LRP1B: variants seen among roughly 807,000 people sequenced by gnomAD.
LRP1B encodes LDL receptor related protein 1B, also known as low-density lipoprotein receptor-related protein 1B.
In LRP1B, 217 loss-of-function variants were observed where a neutral mutation model predicts 556.6. The observed-to-expected ratio is 0.39, with a 90% CI of 0.35 to 0.44. The LOEUF (loss-of-function observed/expected upper bound fraction) is 0.44. Among genes scored for constraint, LRP1B ranks in the 20% least tolerant of loss-of-function variants. The probability of loss-of-function intolerance (pLI) is 1.00; values close to 1 mark genes in which losing one functional copy is unlikely to be tolerated. For synonymous variants in LRP1B, 2,047 were observed against 1,865.8 expected (o/e 1.10, Z -2.50); for missense variants, 5,053 against 5,620.8 (o/e 0.90, Z 3.23).
intron 2 of LRP1B, among the ~76,000 whole-genome samples, chr2:141,744,493 T>C (rs1007303793): frequency 2.0e-5 from 3 of 152,220 alleles, no homozygotes; most frequent in Non-Finnish European, 2.9e-5. Context: ...AAATATCTAT[T>C]AGGTCCATTT....
At chr2:141,244,350 G>A (rs118130708) in intron 5 of LRP1B, among the ~76,000 whole-genome samples, 1 of 152,060 alleles carries the variant, frequency 6.6e-6, no homozygotes, top group Non-Finnish European at 1.5e-5. Flanking sequence ...TAGGCCATTC[G>A]GGCCTTCCCT....
intron 77 of LRP1B, among the ~76,000 whole-genome samples, chr2:140,344,698 T>C (rs760915710): frequency 7.3e-5 from 11 of 151,496 alleles, no homozygotes; most frequent in Non-Finnish European, 1.5e-4. Context: ...TTGTTTTAGA[T>C]ACAAAAGAAA....
At chr2:141,175,473 T>C (rs1268599684) in intron 7 of LRP1B, among the ~76,000 whole-genome samples, 1 of 152,148 alleles carries the variant, frequency 6.6e-6, no homozygotes, top group Non-Finnish European at 1.5e-5. Flanking sequence ...GTTCACATCA[T>C]TGCATCAGAG....
chr2:140,681,359 AG>A lies in LRP1B; in HGVS notation c.6799+18890del, dbSNP rs1685853534. On this transcript the variant is annotated intron_variant, in intron 41 of 90. Transcript: ENST00000389484. ...ATTCATTCACAGCTAAAGTCAAAAGAGTAATAATTTATATTAAGAAATAATA... is the reference window on the plus strand; with the variant it reads ...ATTCATTCACAGCTAAAGTCAAAAGATAATAATTTATATTAAGAAATAATA... 2.0e-5 allele frequency among the ~76,000 whole-genome samples: 3 copies of A among 152,198 alleles called. No individual in the cohort carries two copies. In the South Asian group the frequency reaches 6.2e-4, roughly 31 times the overall value.
intron 33 of LRP1B, among the ~76,000 whole-genome samples, chr2:140,772,694 G>A (rs1292426202): frequency 6.6e-6 from 1 of 152,142 alleles, no homozygotes; most frequent in East Asian, 1.9e-4. Flanking sequence ...CAATCTTTTA[G>A]AGAGTTGTAT....
intron 1 of LRP1B, among the ~76,000 whole-genome samples, chr2:141,895,135 G>T (rs1699413763): frequency 6.7e-6 from 1 of 150,140 alleles, no homozygotes; most frequent in African/African-American, 2.4e-5. Flanking sequence ...AACACATACA[G>T]ACAAGGCTCA....
At chr2:142,000,839 A>C (rs1702630574) in intron 1 of LRP1B, among the ~76,000 whole-genome samples, 1 of 152,148 alleles carries the variant, frequency 6.6e-6, no homozygotes. Flanking sequence ...TTGAGAGAGA[A>C]AATGAGAACT....
At chr2:141,410,813 T>C (rs895096923) in intron 3 of LRP1B, among the ~76,000 whole-genome samples, 2 of 152,018 alleles carry the variant, frequency 1.3e-5, no homozygotes, top group Non-Finnish European at 2.9e-5. Flanking sequence ...GTCATCATAG[T>C]TTTTAGAAAT....
intron 41 of LRP1B, among the ~76,000 whole-genome samples, chr2:140,652,927 A>G (rs1023869242): frequency 2.6e-5 from 4 of 152,106 alleles, no homozygotes; most frequent in African/African-American, 9.6e-5. Context: ...GCTATTCTTA[A>G]AATTACTTTA....
At chr2:141,014,674 T>C (rs1011272285) in intron 13 of LRP1B, among the ~76,000 whole-genome samples, 2 of 152,080 alleles carry the variant, frequency 1.3e-5, no homozygotes, top group Non-Finnish European at 1.5e-5. Flanking sequence ...ATAATTGACA[T>C]GGTTTCTTAA....
chr2:141,347,388 G>A lies in LRP1B; in HGVS notation c.344-92747C>T, dbSNP rs184132288. Reference sequence around the variant, plus strand: ...AAAAACAGAGCGGGTACTTCATCCAGTAGGTTAAAGAGTTTTGATTATTTT... The same window carrying A: ...AAAAACAGAGCGGGTACTTCATCCAATAGGTTAAAGAGTTTTGATTATTTT... On this transcript the variant is annotated intron_variant, in intron 3 of 90. Transcript: ENST00000389484. Among the ~76,000 whole-genome samples, 182 of 152,112 alleles carry A rather than the reference G, an allele frequency of 1.2e-3. 1 individual carries two copies. Among genetic ancestry groups the A allele is most frequent in the Admixed American group, 2.3e-3 (35 of 15,254 alleles).
intron 60 of LRP1B, among the ~76,000 whole-genome samples, chr2:140,464,658 C>G (rs763954389): frequency 2.0e-5 from 3 of 152,120 alleles, no homozygotes; most frequent in Non-Finnish European, 4.4e-5. Flanking sequence ...CCTTTTGCTT[C>G]GAAACTTTCT....
At chr2:141,527,905 T>C (rs1316446836) in intron 2 of LRP1B, among the ~76,000 whole-genome samples, 2 of 152,086 alleles carry the variant, frequency 1.3e-5, no homozygotes, top group African/African-American at 2.4e-5. Context: ...ACTCTTCTCA[T>C]AGTTGTATGT....
At chr2:141,504,375 C>G (rs1173221360) in intron 2 of LRP1B, among the ~76,000 whole-genome samples, 1 of 152,056 alleles carries the variant, frequency 6.6e-6, no homozygotes, top group African/African-American at 2.4e-5. Flanking sequence ...TGATTTACAA[C>G]TTCGGCTTGT....
At chr2:142,116,466 ACTGG>A (rs959183866) in intron 1 of LRP1B, among the ~76,000 whole-genome samples, 1 of 152,094 alleles carries the variant, frequency 6.6e-6, no homozygotes, top group Non-Finnish European at 1.5e-5. Context: ...ACTCTCACCA[ACTGG>A]ATGAATCAAA....
intron 1 of LRP1B, among the ~76,000 whole-genome samples, chr2:141,950,261 A>T (rs1043676383): frequency 5.9e-5 from 9 of 152,106 alleles, no homozygotes; most frequent in African/African-American, 2.2e-4. Context: ...TTAATTCTGT[A>T]TGGTATTTCA....
intron 3 of LRP1B, among the ~76,000 whole-genome samples, chr2:141,374,458 T>C (rs992197601): frequency 1.3e-5 from 2 of 152,208 alleles, no homozygotes; most frequent in African/African-American, 4.8e-5. Context: ...ATTATTCCCT[T>C]AAATAGCTTT....
At chr2:140,297,413 G>A (rs1020773643) in intron 84 of LRP1B, among the ~76,000 whole-genome samples, 12 of 152,014 alleles carry the variant, frequency 7.9e-5, no homozygotes, top group African/African-American at 2.9e-4. Context: ...ATTAGTGATA[G>A]AACTGAAATG....
In LRP1B at chr2:141,051,615, G is replaced by C. The variant is rs1699037574; in HGVS notation, c.1553-2393C>G. 2.0e-5 allele frequency among the ~76,000 whole-genome samples: 3 copies of C among 152,000 alleles called. No individual in the cohort carries two copies. In the South Asian group the frequency reaches 6.2e-4, roughly 32 times the overall value. Reference sequence around the variant, plus strand: ...TGTGAAGAATATTTCCAGTACACTGGAAGACATAAATGTGCCCCAAACCCA... The same window carrying C: ...TGTGAAGAATATTTCCAGTACACTGCAAGACATAAATGTGCCCCAAACCCA... On this transcript the variant is annotated intron_variant, in intron 10 of 90. Transcript: ENST00000389484.
Sources: allele counts gnomAD v4.1 joint callset (sites outside exome capture counted in the v4.1 genomes callset), GRCh38; gene constraint gnomAD v4.1.1; transcripts MANE v1.5; gene names NCBI Gene and HGNC (gene_info 2026-07-23, HGNC 2026-07-21).